Variants in RFX3 observed in about 807,000 individuals in gnomAD.
RFX3 encodes transcription factor RFX3.
Under a neutral mutation model 98.6 loss-of-function variants are expected in RFX3, and 14 were observed. The ratio of observed to expected loss-of-function variants is 0.14; its 90% CI spans 0.09 to 0.22. The LOEUF (loss-of-function observed/expected upper bound fraction) is 0.22. Ranked by LOEUF, RFX3 falls within the 10% of genes least tolerant of loss-of-function variation. The pLI, the probability that RFX3 is intolerant of heterozygous loss-of-function variation, is 1.00. For synonymous variants in RFX3, 383 were observed against 328.4 expected (o/e 1.17, Z -1.80); for missense variants, 639 against 926.9 (o/e 0.69, Z 4.03).
chr9:3,424,847 AAAGAAT>A (rs1843852147), intron 1 of RFX3, among the ~76,000 whole-genome samples: 1 of 152,210 alleles, frequency 6.6e-6, no homozygotes, highest in Non-Finnish European at 1.5e-5. Context: ...TTTCTCACAA[AAAGAAT>A]AATACTAGTC....
At chr9:3,259,438 G>A (rs1822573002) in intron 13 of RFX3, among the ~76,000 whole-genome samples, 1 of 151,106 alleles carries the variant, frequency 6.6e-6, no homozygotes, top group South Asian at 2.1e-4. Context: ...ATTCCCTTGT[G>A]AAACGAATGT....
chr9:3,424,519 G>T (rs570979126), intron 1 of RFX3, among the ~76,000 whole-genome samples: 58 of 151,178 alleles, frequency 3.8e-4, no homozygotes, highest in African/African-American at 1.1e-3. Context: ...CCGCCACCGC[G>T]CCCGGATAAT....
At chr9:3,242,808 AAT>A (rs1366070642) in intron 15 of RFX3, among the ~76,000 whole-genome samples, 1 of 152,104 alleles carries the variant, frequency 6.6e-6, no homozygotes. Context: ...CTATTACTGA[AAT>A]ATTATCTTTT....
intron 2 of RFX3, among the ~76,000 whole-genome samples, chr9:3,355,694 A>T (rs993439038): frequency 6.6e-6 from 1 of 151,856 alleles, no homozygotes; most frequent in South Asian, 2.1e-4. Context: ...AACCAAAATG[A>T]CTTTCACGTC....
chr9:3,282,020 T>C (rs901097903), intron 7 of RFX3, among the ~76,000 whole-genome samples: 4 of 151,832 alleles, frequency 2.6e-5, no homozygotes, highest in Non-Finnish European at 5.9e-5. Context: ...GGAGACATCA[T>C]TATGTTTTGT....
chr9:3,392,120 G>A (rs908841237), intron 2 of RFX3, among the ~76,000 whole-genome samples: 1 of 152,130 alleles, frequency 6.6e-6, no homozygotes, highest in African/African-American at 2.4e-5. Context: ...AGCCTTGTCA[G>A]TCAGATGACC....
chr9:3,264,854 T>A (rs1823406292), intron 12 of RFX3, among the ~76,000 whole-genome samples: 1 of 152,056 alleles, frequency 6.6e-6, no homozygotes, highest in Non-Finnish European at 1.5e-5. Context: ...ACTCTGGAGG[T>A]CAATGAGATG....
At chr9:3,288,965 C>A (rs973478931) in intron 6 of RFX3, among the ~76,000 whole-genome samples, 1 of 151,920 alleles carries the variant, frequency 6.6e-6, no homozygotes, top group African/African-American at 2.4e-5. Context: ...AAATTTCCAC[C>A]TGGAATAAAA....
At chr9:3,494,506 T>C (rs1377528652) in intron 1 of RFX3, among the ~76,000 whole-genome samples, 1 of 152,186 alleles carries the variant, frequency 6.6e-6, no homozygotes. Context: ...AAATGTGACA[T>C]TCTGAATGCA....
intron 1 of RFX3, among the ~76,000 whole-genome samples, chr9:3,418,651 AT>A (rs1843184573): frequency 6.6e-6 from 1 of 152,228 alleles, no homozygotes; most frequent in Admixed American, 6.5e-5. Flanking sequence ...AAGTGCTGGG[AT>A]TACAGGTGTG....
At chr9:3,281,241 C>T in intron 7 of RFX3, among the ~76,000 whole-genome samples, 1 of 151,290 alleles carries the variant, frequency 6.6e-6, no homozygotes, top group East Asian at 1.9e-4. Flanking sequence ...AGCATTGAAA[C>T]ATGACTTGTA....
intron 5 of RFX3, among the ~76,000 whole-genome samples, chr9:3,296,755 C>G (rs1198280859): frequency 6.6e-6 from 1 of 151,982 alleles, no homozygotes; most frequent in Non-Finnish European, 1.5e-5. Flanking sequence ...GGTAAAAGCC[C>G]TGAAAGGATG....
At chr9:3,389,078 G>A (rs1763389881) in intron 2 of RFX3, among the ~76,000 whole-genome samples, 1 of 152,102 alleles carries the variant, frequency 6.6e-6, no homozygotes, top group South Asian at 2.1e-4. Context: ...AGTATTTGTG[G>A]AATACCTGGA....
intron 1 of RFX3, among the ~76,000 whole-genome samples, chr9:3,413,435 G>A (rs531440794): frequency 6.6e-6 from 1 of 152,154 alleles, no homozygotes; most frequent in African/African-American, 2.4e-5. Context: ...TATAGCTTAT[G>A]ATTTGTTTAA....
intron 4 of RFX3, among the ~76,000 whole-genome samples, chr9:3,307,370 T>G (rs1262147106): frequency 6.6e-6 from 1 of 152,068 alleles, no homozygotes; most frequent in Non-Finnish European, 1.5e-5. Context: ...AGAAAGGGAA[T>G]TAATCTGACA....
intron 15 of RFX3, among the ~76,000 whole-genome samples, chr9:3,240,069 A>C (rs1819713525): frequency 6.6e-6 from 1 of 152,238 alleles, no homozygotes; most frequent in Non-Finnish European, 1.5e-5. Flanking sequence ...ATGGGGAGTG[A>C]TGAAGCAGTC....
At chr9:3,513,366 C>G (rs1437353676) in intron 1 of RFX3, among the ~76,000 whole-genome samples, 1 of 152,038 alleles carries the variant, frequency 6.6e-6, no homozygotes, top group African/African-American at 2.4e-5. Context: ...CTACATTGTA[C>G]TAGTCACTGT....
chr9:3,327,381 A>G (rs1832038860), intron 4 of RFX3, among the ~76,000 whole-genome samples: 1 of 152,162 alleles, frequency 6.6e-6, no homozygotes, highest in African/African-American at 2.4e-5. Context: ...CCTCACTGTG[A>G]GTCAAGCAGA....
chr9:3,512,987 C>G (rs1817790264), intron 1 of RFX3, among the ~76,000 whole-genome samples: 1 of 152,066 alleles, frequency 6.6e-6, no homozygotes, highest in Admixed American at 6.6e-5. Context: ...AATATGTCCA[C>G]ATAGCTGAGA....
Sources: allele counts gnomAD v4.1 joint callset (sites outside exome capture counted in the v4.1 genomes callset), GRCh38; gene constraint gnomAD v4.1.1; transcripts MANE v1.5; gene names NCBI Gene and HGNC (gene_info 2026-07-23, HGNC 2026-07-21).